METTL8: variants seen among roughly 807,000 people sequenced by gnomAD.
METTL8 encodes the protein tRNA N(3)-cytidine methyltransferase METTL8, mitochondrial.
Under a neutral mutation model 48.7 loss-of-function variants are expected in METTL8, and 32 were observed. That is an observed-to-expected ratio of 0.66 (90% CI 0.50 to 0.88). The LOEUF is 0.88. Among genes scored for constraint, METTL8 ranks in the 40% least tolerant of loss-of-function variants. METTL8 has a pLI of 0.00. For missense variants in METTL8, 464 were observed against 474.4 expected (o/e 0.98, Z 0.20); for synonymous variants, 136 against 157.1 (o/e 0.87, Z 1.01).
At chr2:171,382,710 T>C (rs1410439097) in intron 2 of METTL8, among the ~76,000 whole-genome samples, 2 of 150,756 alleles carry the variant, frequency 1.3e-5, no homozygotes, top group Non-Finnish European at 3.0e-5. Context: ...ATCCCGGAAC[T>C]CAAAGTAAAA....
At chr2:171,411,656 C>A (rs1326518149) in intron 1 of METTL8, among the ~76,000 whole-genome samples, 1 of 152,120 alleles carries the variant, frequency 6.6e-6, no homozygotes, top group African/African-American at 2.4e-5. Context: ...CCATATCTAA[C>A]ATCAAAATAA....
At position 171,318,838 on chromosome 2, in the gene METTL8, G is replaced by A. The variant is rs1033722414; in HGVS notation, c.*5334C>T. 2 of 151,828 alleles carry A rather than the reference G, an allele frequency of 1.3e-5. No individual in the cohort carries two copies. Among genetic ancestry groups the A allele is most frequent in the African/African-American group, 4.8e-5 (2 of 41,332 alleles). 9.4% of individuals were successfully genotyped at this position (151,828 alleles called of 1,614,324 possible). ...CAGCATTTGGGCCCATCCATTACAA[G>A]AGCAGCAAGTAGAGGTTTTGGAATC... is the stretch of plus-strand genomic sequence containing the variant. On this transcript the variant is annotated 3_prime_UTR_variant, in exon 10 of 10. Transcript: ENST00000375258.
intron 1 of METTL8, among the ~76,000 whole-genome samples, chr2:171,420,177 C>G (rs1411775398): frequency 3.3e-5 from 5 of 152,048 alleles, no homozygotes; most frequent in Non-Finnish European, 4.4e-5. Flanking sequence ...GTGGTGAAAC[C>G]CTGTCTCTAC....
intron 1 of METTL8, among the ~76,000 whole-genome samples, chr2:171,423,676 G>A (rs1559219222): frequency 6.6e-6 from 1 of 152,172 alleles, no homozygotes; most frequent in Non-Finnish European, 1.5e-5. Flanking sequence ...ACTTGAGAGA[G>A]ATGATTTAGG....
chr2:171,356,119 T>C (rs1363181667), intron 3 of METTL8, among the ~76,000 whole-genome samples: 1 of 152,082 alleles, frequency 6.6e-6, no homozygotes, highest in Admixed American at 6.5e-5. Flanking sequence ...CCACACCTTT[T>C]TGTCTTTTCT....
intron 3 of METTL8, among the ~76,000 whole-genome samples, chr2:171,359,804 G>A (rs1684975412): frequency 2.6e-5 from 4 of 152,108 alleles, no homozygotes; most frequent in African/African-American, 9.7e-5. Flanking sequence ...AGTAGAGACA[G>A]GTTTTCTCGA....
In METTL8 at chr2:171,340,386, C is replaced by T. The variant is rs12053287; in HGVS notation, c.236-832G>A. On this transcript the variant is annotated intron_variant, in intron 3 of 9. Transcript: ENST00000375258. ...GTGTGGTGGCAGACACCTGTAATCG[C>T]GGCTCCTCAGGAGGCTGAGGCAGGA... 0.015 allele frequency among the ~76,000 whole-genome samples: 2,316 copies of T among 150,220 alleles called. 255 individuals carry two copies. The East Asian group carries it at 0.31, about 20-fold the overall frequency.
At chr2:171,414,801 A>C (rs1026687465) in intron 1 of METTL8, 6 of 152,022 alleles carry the variant, frequency 3.9e-5, no homozygotes, top group Admixed American at 2.6e-4. Flanking sequence ...GTCTCCACCC[A>C]AATCTTATCT....
intron 3 of METTL8, among the ~76,000 whole-genome samples, chr2:171,342,791 G>C (rs1483465715): frequency 2.0e-5 from 3 of 152,166 alleles, no homozygotes; most frequent in Admixed American, 1.3e-4. Flanking sequence ...AGAATGTACT[G>C]TAATACTACT....
chr2:171,356,090 C>G (rs569841790), intron 3 of METTL8, among the ~76,000 whole-genome samples: 1 of 152,180 alleles, frequency 6.6e-6, no homozygotes, highest in African/African-American at 2.4e-5. Context: ...GGAGCTGTTC[C>G]TATTTGGCCA....
intron 2 of METTL8, among the ~76,000 whole-genome samples, chr2:171,385,616 C>A (rs1056775243): frequency 1.3e-5 from 2 of 152,186 alleles, no homozygotes; most frequent in African/African-American, 4.8e-5. Flanking sequence ...AGAGAGTTCA[C>A]CACAGGTGTC....
At chr2:171,347,748 A>G (rs1683429310) in intron 3 of METTL8, among the ~76,000 whole-genome samples, 1 of 152,194 alleles carries the variant, frequency 6.6e-6, no homozygotes, top group South Asian at 2.1e-4. Flanking sequence ...CTTCAGAAAC[A>G]GTGTGACAGA....
At chr2:171,423,044 C>G (rs910691165) in intron 1 of METTL8, among the ~76,000 whole-genome samples, 2 of 152,164 alleles carry the variant, frequency 1.3e-5, no homozygotes, top group Non-Finnish European at 2.9e-5. Flanking sequence ...TCATGCTGAT[C>G]TTGTGATAGT....
chr2:171,388,713 C>T (rs1688303564), intron 2 of METTL8, among the ~76,000 whole-genome samples: 1 of 152,188 alleles, frequency 6.6e-6, no homozygotes, highest in South Asian at 2.1e-4. Context: ...TGTGGCAACC[C>T]TGCATTGAGC....
At chr2:171,332,712 G>T (rs1173729189) in intron 5 of METTL8, 1 of 152,196 alleles carries the variant, frequency 6.6e-6, no homozygotes, top group Non-Finnish European at 1.5e-5. Context: ...TGGCTCTCAT[G>T]GGTTTTATAG....
At position 171,391,918 on chromosome 2, in the gene METTL8, T is replaced by A; in HGVS notation, c.143+125A>T. ...AAGTCAGGATCGGTTACCCTAGCTT[T>A]TGGACCTCTACAACATGAGTTAGGT... On this transcript the variant is annotated intron_variant, in intron 2 of 9. Coordinates refer to ENST00000375258, the MANE Select transcript of METTL8 (RefSeq NM_001321154.2). The A allele has an allele frequency of 3.3e-6, 3 of 919,370 alleles. No homozygotes were observed. The East Asian group carries it at 8.0e-5, about 25-fold the overall frequency. The allele number at this position is 919,370 out of a possible 1,614,324, so 57.0% of individuals were successfully genotyped here. A position where few individuals can be genotyped will look rare whatever the true frequency, so the allele number is the denominator to read the frequency against.
chr2:171,406,765 A>G (rs996165644), intron 1 of METTL8, among the ~76,000 whole-genome samples: 4 of 152,214 alleles, frequency 2.6e-5, no homozygotes, highest in Admixed American at 6.5e-5. Flanking sequence ...TTAGGTATGC[A>G]TGGTACAAAT....
intron 3 of METTL8, among the ~76,000 whole-genome samples, chr2:171,350,439 T>G (rs1683779851): frequency 6.6e-6 from 1 of 152,240 alleles, no homozygotes; most frequent in African/African-American, 2.4e-5. Flanking sequence ...GCATGTGTCT[T>G]TATAGCAGCA....
chr2:171,375,266 T>C (rs572739243), intron 2 of METTL8: 2 of 1,019,514 alleles, frequency 2.0e-6, no homozygotes, highest in Non-Finnish European at 3.1e-6. Context: ...TTGTTCCTTC[T>C]TTTCTTTGTC....
Sources: allele counts gnomAD v4.1 joint callset (sites outside exome capture counted in the v4.1 genomes callset), GRCh38; gene constraint gnomAD v4.1.1; transcripts MANE v1.5; gene names NCBI Gene and HGNC (gene_info 2026-07-23, HGNC 2026-07-21).